The following DPF3 variants were observed in gnomAD, a reference collection of about 807,000 sequenced individuals.
The protein encoded by DPF3 is zinc finger protein DPF3.
A neutral mutation model predicts 56.8 loss-of-function variants in DPF3; 18 were observed. The ratio of observed to expected loss-of-function variants is 0.32; its 90% confidence interval spans 0.22 to 0.47. The LOEUF is 0.47. Ranked by LOEUF, DPF3 falls within the 20% of genes least tolerant of loss-of-function variation. DPF3 has a pLI of 1.00. For synonymous variants in DPF3, 188 were observed against 180.2 expected (o/e 1.04, Z -0.35); for missense variants, 403 against 488.8 (o/e 0.82, Z 1.65).
At chr14:72,689,778 CT>C (rs982909575) in intron 7 of DPF3, among the ~76,000 whole-genome samples, 1 of 152,162 alleles carries the variant, frequency 6.6e-6, no homozygotes. Flanking sequence ...GGACGACCAG[CT>C]GCCTCATGGG....
Position 72,617,940 on chromosome 14 carries a change from A to G in DPF3, c.*1357T>C, listed in dbSNP as rs1007070901. ...CAAATGATTTTTCCAGAAATATGTC[A>G]GTTATTGTGCTGCTGCTGCGATTCA... On this transcript the variant is annotated 3_prime_UTR_variant, in exon 11 of 11. Coordinates refer to ENST00000556509, the MANE Select transcript of DPF3 (RefSeq NM_001280542.3). 6.6e-6 allele frequency among the ~76,000 whole-genome samples: 1 copy of G among 151,926 alleles called. No homozygotes were observed. Among genetic ancestry groups the G allele is most frequent in the Admixed American group, 6.6e-5 (1 of 15,236 alleles).
At chr14:72,845,772 G>T (rs1884724346) in intron 1 of DPF3, among the ~76,000 whole-genome samples, 2 of 152,110 alleles carry the variant, frequency 1.3e-5, no homozygotes, top group African/African-American at 4.8e-5. Context: ...TGTGTGAATT[G>T]CCAAGGAAAG....
In DPF3 at chr14:72,614,222, C is replaced by T. The variant is rs1599301228; in HGVS notation, c.*5075G>A. Among the ~76,000 whole-genome samples the T allele has an allele frequency of 1.3e-5, 2 of 152,292 alleles. No homozygotes were observed. Among genetic ancestry groups the T allele is most frequent in the South Asian group, 2.1e-4 (1 of 4,822 alleles). On this transcript the variant is annotated 3_prime_UTR_variant, in exon 11 of 11. Coordinates refer to ENST00000556509, the MANE Select transcript of DPF3 (RefSeq NM_001280542.3). ...CCCCAACCCCCAGACAGCTATGGAG[C>T]CCACCTTCTGACCACGGACCAGTTA...
rs111269730 is a variant in DPF3, at chr14:72,740,538, G to A, written c.302-8604C>T. ...TGGGGAGCAGTGCCCTGAGCAGGGG[G>A]CTTCCCCACCAGTGAACCAGGATGG... On this transcript the variant is annotated intron_variant, in intron 3 of 10. Coordinates refer to ENST00000556509, the MANE Select transcript of DPF3 (RefSeq NM_001280542.3). Among the ~76,000 whole-genome samples the A allele has an allele frequency of 6.2e-3, 950 of 152,300 alleles. 12 individuals are homozygous for A. The highest frequency in any genetic ancestry group is 0.022 in the African/African-American group (912 of 41,566).
chr14:72,664,621 A>C, intron 8 of DPF3, among the ~76,000 whole-genome samples: 1 of 119,920 alleles, frequency 8.3e-6, no homozygotes, highest in African/African-American at 3.3e-5. Flanking sequence ...CCACCACCTC[A>C]CCACCTCCCA....
At chr14:72,812,511 G>A (rs1217809700) in intron 1 of DPF3, among the ~76,000 whole-genome samples, 6 of 152,112 alleles carry the variant, frequency 3.9e-5, no homozygotes. Context: ...GTGGAGGCAG[G>A]GAGGCAAAGG....
intron 3 of DPF3, among the ~76,000 whole-genome samples, chr14:72,737,228 C>T (rs1439478425): frequency 6.6e-6 from 1 of 150,994 alleles, no homozygotes; most frequent in East Asian, 1.9e-4. Flanking sequence ...ACCACACACA[C>T]ACACAGAAAT....
chr14:72,650,294 C>G (rs116236719), intron 8 of DPF3, among the ~76,000 whole-genome samples: 1 of 152,262 alleles, frequency 6.6e-6, no homozygotes, highest in African/African-American at 2.4e-5. Context: ...AACCCCGCCC[C>G]GACAGAGTTA....
At chr14:72,811,679 A>G (rs888657956) in intron 1 of DPF3, among the ~76,000 whole-genome samples, 1 of 152,232 alleles carries the variant, frequency 6.6e-6, no homozygotes, top group African/African-American at 2.4e-5. Flanking sequence ...CAGACATGAT[A>G]GAGGAATTCA....
chr14:72,693,039 C>T (rs1267542754), intron 7 of DPF3, 37 bp downstream of exon 7: 1 of 1,612,778 alleles, frequency 6.2e-7, no homozygotes. Flanking sequence ...GTCTAACCCA[C>T]TTCTTCACTG....
chr14:72,740,077 GC>G (rs2139873273), intron 3 of DPF3, among the ~76,000 whole-genome samples: 1 of 152,154 alleles, frequency 6.6e-6, no homozygotes, highest in South Asian at 2.1e-4. Flanking sequence ...GAGGGAGGGG[GC>G]TACGCTGACA....
At chr14:72,690,910 C>G (rs1416732993) in intron 7 of DPF3, among the ~76,000 whole-genome samples, 1 of 152,200 alleles carries the variant, frequency 6.6e-6, no homozygotes, top group Non-Finnish European at 1.5e-5. Flanking sequence ...TTCTTCTCAG[C>G]CTCCTCATGG....
chr14:72,886,188 A>G (rs1234695719), intron 1 of DPF3, among the ~76,000 whole-genome samples: 1 of 152,172 alleles, frequency 6.6e-6, no homozygotes, highest in Admixed American at 6.5e-5. Context: ...CCTGGCCAAC[A>G]TGGTGAAATG....
chr14:72,863,058 TTATATATATATATATATATATATA>T (rs58405648), intron 1 of DPF3, among the ~76,000 whole-genome samples: 5,854 of 139,836 alleles, frequency 0.042, 457 homozygotes, highest in African/African-American at 0.14. Flanking sequence ...ATTATTCCAT[TTATATATATATATATATATATATA>T]TATATATATA....
chr14:72,652,790 G>A (rs1459378183), intron 8 of DPF3, among the ~76,000 whole-genome samples: 1 of 152,150 alleles, frequency 6.6e-6, no homozygotes, highest in African/African-American at 2.4e-5. Flanking sequence ...GGCTGTACCA[G>A]ATCTACATAA....
chr14:72,674,663 G>C (rs1190815077), intron 7 of DPF3, among the ~76,000 whole-genome samples: 1 of 152,206 alleles, frequency 6.6e-6, no homozygotes, highest in Non-Finnish European at 1.5e-5. Context: ...TCCAGAAGAG[G>C]TACTGGTCAA....
intron 3 of DPF3, among the ~76,000 whole-genome samples, chr14:72,740,634 G>A (rs115794869): frequency 4.6e-5 from 7 of 152,348 alleles, no homozygotes; most frequent in Non-Finnish European, 5.9e-5. Context: ...GTGAGTCCAC[G>A]GAGGAATGGC....
In DPF3 at chr14:72,640,437, A is replaced by G. The variant is rs553848386; in HGVS notation, c.872-10701T>C. Among the ~76,000 whole-genome samples the G allele has an allele frequency of 4.6e-5, 7 of 152,334 alleles. No homozygotes were observed. In the South Asian group the frequency reaches 1.2e-3, roughly 27 times the overall value. On this transcript the variant is annotated intron_variant, in intron 8 of 10. Transcript: ENST00000556509. ...CAATGAGTTTGTATTGAGCACTTGC[A>G]ATGTGCCAGGTGCTGTGATAGATGC...
chr14:72,731,900 G>C lies in DPF3; in HGVS notation c.336C>G (p.Thr112=). 1 of 1,601,638 alleles carries C rather than the reference G, an allele frequency of 6.2e-7. No homozygotes were observed. Among genetic ancestry groups the C allele is most frequent in the Non-Finnish European group, 8.5e-7 (1 of 1,174,090 alleles). The change falls in exon 4 of 11, where the codon ACC becomes ACG. Residue 112 remains threonine, a synonymous_variant. Transcript: ENST00000556509. ...AGGCTTCCAGCGTGGTGCTCTCTGA[G>C]GTGAACCCATCCTTCTTCAGGGGAA... ...VELPLKKDGF[T]SESTTLEALL... is the part of the protein sequence containing the mutation.
Sources: gnomAD v4.1 joint callset for allele counts (sites outside exome capture counted in the v4.1 genomes callset) on GRCh38, gnomAD v4.1.1 for gene constraint, MANE v1.5 for transcripts, NCBI Gene and HGNC (gene_info 2026-07-23, HGNC 2026-07-21) for gene names.